The following MAP4K4 variants were observed in gnomAD, a reference collection of about 807,000 sequenced individuals.
The protein encoded by MAP4K4 is HPK/GCK-like kinase HGK.
A neutral mutation model predicts 189.6 loss-of-function variants in MAP4K4; 38 were observed. The ratio of observed to expected loss-of-function variants is 0.20; its 90% CI spans 0.15 to 0.26. The LOEUF is 0.26. Among genes scored for constraint, MAP4K4 ranks in the 10% least tolerant of loss-of-function variants. The pLI, the probability that MAP4K4 is intolerant of heterozygous loss-of-function variation, is 1.00. For missense variants in MAP4K4, 1,054 were observed against 1,726.9 expected (o/e 0.61, Z 6.91); for synonymous variants, 610 against 624.3 (o/e 0.98, Z 0.34).
chr2:101,837,826 T>G (rs1346444540), intron 9 of MAP4K4, among the ~76,000 whole-genome samples: 1 of 152,238 alleles, frequency 6.6e-6, no homozygotes, highest in Admixed American at 6.5e-5. Context: ...TTAACCACTG[T>G]GTCCAACATA....
At chr2:101,844,275 T>C in exon 12 of MAP4K4, 1 of 1,570,016 alleles carries the variant, frequency 6.4e-7, no homozygotes. Flanking sequence ...AGAAGCGGAT[T>C]GAGCAGCAGA....
chr2:101,759,185 G>GT (rs559529598), intron 2 of MAP4K4, among the ~76,000 whole-genome samples: 1 of 150,728 alleles, frequency 6.6e-6, no homozygotes, highest in African/African-American at 2.4e-5. Flanking sequence ...TGGGGTTCTT[G>GT]TTTCAGTAGA....
At chr2:101,888,113 T>C (rs1263521081) in intron 31 of MAP4K4, among the ~76,000 whole-genome samples, 176 bp downstream of exon 31, 1 of 152,250 alleles carries the variant, frequency 6.6e-6, no homozygotes, top group Non-Finnish European at 1.5e-5. Flanking sequence ...GTCATAGGTC[T>C]ATTTTAGAAC....
intron 27 of MAP4K4, among the ~76,000 whole-genome samples, chr2:101,880,953 G>A (rs947119844): frequency 1.3e-5 from 2 of 152,018 alleles, no homozygotes; most frequent in African/African-American, 4.8e-5. Flanking sequence ...CTTTTTTAAT[G>A]TTATGTGGAC....
chr2:101,711,310 C>G (rs1409021735), intron 2 of MAP4K4, among the ~76,000 whole-genome samples: 2 of 147,880 alleles, frequency 1.4e-5, no homozygotes, highest in African/African-American at 5.0e-5. Context: ...AGTTTTTTTG[C>G]TTTTTTTTTT....
At position 101,784,068 on chromosome 2, in the gene MAP4K4, T is replaced by C. The variant is rs183496839; in HGVS notation, c.124-6652T>C. Among the ~76,000 whole-genome samples the C allele has an allele frequency of 3.9e-4, 60 of 152,334 alleles. 1 individual carries two copies. The highest frequency in any genetic ancestry group is 1.4e-3 in the African/African-American group (58 of 41,584). ...ATCCATGTTCTGTCCTTTGATGATCTTCAGTGCCATCCAGGCATCCTTGAA... is the reference window on the plus strand; with the variant it reads ...ATCCATGTTCTGTCCTTTGATGATCCTCAGTGCCATCCAGGCATCCTTGAA... On this transcript the variant is annotated intron_variant, in intron 2 of 32. Transcript: ENST00000324219.
intron 2 of MAP4K4, among the ~76,000 whole-genome samples, chr2:101,721,540 A>T (rs1191833937): frequency 1.3e-5 from 2 of 150,084 alleles, no homozygotes; most frequent in African/African-American, 4.9e-5. Context: ...GGTTCAAGCG[A>T]TTCTCCTGCC....
intron 3 of MAP4K4, among the ~76,000 whole-genome samples, chr2:101,809,847 A>G (rs1340804178): frequency 6.6e-6 from 1 of 152,260 alleles, no homozygotes; most frequent in Non-Finnish European, 1.5e-5. Context: ...TGGCAGCACC[A>G]TCTTCAAAAA....
chr2:101,761,987 T>C (rs2076678916), intron 2 of MAP4K4, among the ~76,000 whole-genome samples: 1 of 152,224 alleles, frequency 6.6e-6, no homozygotes. Flanking sequence ...TGTGTAGACC[T>C]GGGTGGACTG....
At chr2:101,744,716 G>C (rs1181695980) in intron 2 of MAP4K4, among the ~76,000 whole-genome samples, 1 of 152,062 alleles carries the variant, frequency 6.6e-6, no homozygotes, top group Non-Finnish European at 1.5e-5. Flanking sequence ...GACACCAGGG[G>C]TGCAGAAGGC....
chr2:101,769,658 A>G (rs2080354746), intron 2 of MAP4K4, among the ~76,000 whole-genome samples: 1 of 151,354 alleles, frequency 6.6e-6, no homozygotes, highest in East Asian at 1.9e-4. Context: ...ATCTTGGCTC[A>G]CTGCAACCTC....
exon 29 of MAP4K4, chr2:101,885,268 A>G: frequency 6.2e-7 from 1 of 1,601,698 alleles, no homozygotes; most frequent in African/African-American, 1.3e-5. Flanking sequence ...AAGCCATATC[A>G]CAAATTTATG....
intron 3 of MAP4K4, among the ~76,000 whole-genome samples, chr2:101,819,347 G>T (rs1031844707): frequency 6.6e-6 from 1 of 152,154 alleles, no homozygotes; most frequent in Non-Finnish European, 1.5e-5. Flanking sequence ...ATAAAATACT[G>T]TATAATAAGC....
At chr2:101,892,594 C>T in exon 33 of MAP4K4, 1 of 281,284 alleles carries the variant, frequency 3.6e-6, no homozygotes, top group South Asian at 3.2e-5. Context: ...GGGGAGTTTC[C>T]CTTTTCTAAA....
rs562601811 is a variant in MAP4K4 at position 101,726,215 on chromosome 2, C to CT, written c.123+27680dup. ...TTTTGAAGCTGCTTGCAGCTATTCACTTTGAGAGTTCAGAATTAAAAAGGG... is the reference window on the plus strand; with the variant it reads ...TTTTGAAGCTGCTTGCAGCTATTCACTTTTGAGAGTTCAGAATTAAAAAGGG... On this transcript the variant is annotated intron_variant, in intron 2 of 32. Transcript: ENST00000324219. Among the ~76,000 whole-genome samples, 402 of 152,302 alleles carry CT rather than the reference C, an allele frequency of 2.6e-3. 1 individual carries two copies. Among genetic ancestry groups the CT allele is most frequent in the African/African-American group, 8.8e-3 (367 of 41,570 alleles).
chr2:101,793,124 T>C (rs2093202657), intron 3 of MAP4K4, among the ~76,000 whole-genome samples: 1 of 152,206 alleles, frequency 6.6e-6, no homozygotes, highest in Non-Finnish European at 1.5e-5. Context: ...ATGCATGATA[T>C]AAGTAGTTTT....
intron 9 of MAP4K4, among the ~76,000 whole-genome samples, chr2:101,837,328 T>A (rs2096787836): frequency 6.6e-6 from 1 of 152,046 alleles, no homozygotes; most frequent in Non-Finnish European, 1.5e-5. Context: ...CCCATCTTCA[T>A]ACCAGTTTTC....
chr2:101,857,517 T>C (rs2097512081), intron 13 of MAP4K4, among the ~76,000 whole-genome samples: 1 of 152,194 alleles, frequency 6.6e-6, no homozygotes. Flanking sequence ...TAATTCTGTT[T>C]TGTTCAAAAA....
At chr2:101,877,251 T>G in intron 27 of MAP4K4, 105 bp downstream of exon 27, 13 of 1,151,588 alleles carry the variant, frequency 1.1e-5, no homozygotes, top group Non-Finnish European at 1.5e-5. Context: ...ACTGGCTAAA[T>G]AAGGTACAAC....
Sources: gnomAD v4.1 joint callset for allele counts (sites outside exome capture counted in the v4.1 genomes callset) on GRCh38, gnomAD v4.1.1 for gene constraint, MANE v1.5 for transcripts, NCBI Gene and HGNC (gene_info 2026-07-23, HGNC 2026-07-21) for gene names.